COX7A2L: variants seen among roughly 807,000 people sequenced by gnomAD.
The protein encoded by COX7A2L is cytochrome c oxidase subunit 7A2 like, also known as cytochrome c oxidase subunit 7A2-like, mitochondrial.
A neutral mutation model predicts 14.2 loss-of-function variants in COX7A2L; 18 were observed. The ratio of observed to expected loss-of-function variants is 1.27; its 90% CI spans 0.88 to 1.88. The LOEUF (loss-of-function observed/expected upper bound fraction) is 1.88. COX7A2L is among the 40% of genes most tolerant of loss of function. The pLI is 0.00. For missense variants in COX7A2L, 179 were observed against 138.8 expected (o/e 1.29, Z -1.46); for synonymous variants, 65 against 57.4 (o/e 1.13, Z -0.60).
At chr2:42,366,407 G>C (rs1178072366) in intron 1 of COX7A2L, among the ~76,000 whole-genome samples, 2 of 152,216 alleles carry the variant, frequency 1.3e-5, no homozygotes, top group Non-Finnish European at 2.9e-5. Context: ...CTGGGTGACA[G>C]AATGAGACCC....
At chr2:42,340,624 C>T (rs1670383978) in intron 2 of COX7A2L, among the ~76,000 whole-genome samples, 1 of 152,102 alleles carries the variant, frequency 6.6e-6, no homozygotes, top group Non-Finnish European at 1.5e-5. Flanking sequence ...CCCAGGCGCA[C>T]CCGAGATGCC....
intron 1 of COX7A2L, chr2:42,359,770 G>A (rs1164955646): frequency 6.7e-6 from 1 of 150,048 alleles, no homozygotes; most frequent in South Asian, 2.1e-4. Context: ...TACCAAGCAT[G>A]ACATATCACA....
At chr2:42,340,057 C>T (rs1481430798) in intron 2 of COX7A2L, among the ~76,000 whole-genome samples, 1 of 152,164 alleles carries the variant, frequency 6.6e-6, no homozygotes, top group Non-Finnish European at 1.5e-5. Flanking sequence ...GTTTTAACTC[C>T]AGTCCAGATC....
At chr2:42,340,098 G>C (rs557878314) in intron 2 of COX7A2L, among the ~76,000 whole-genome samples, 1 of 152,188 alleles carries the variant, frequency 6.6e-6, no homozygotes, top group Admixed American at 6.5e-5. Flanking sequence ...GAATGCTTAT[G>C]GGATTCCTCA....
At chr2:42,335,575 G>A (rs1363723966) in intron 2 of COX7A2L, among the ~76,000 whole-genome samples, 1 of 152,176 alleles carries the variant, frequency 6.6e-6, no homozygotes, top group African/African-American at 2.4e-5. Context: ...TGTTTAACAT[G>A]TATTAACTCA....
chr2:42,340,862 C>T (rs1670390031), intron 2 of COX7A2L, among the ~76,000 whole-genome samples: 1 of 152,180 alleles, frequency 6.6e-6, no homozygotes, highest in Non-Finnish European at 1.5e-5. Context: ...CTCCACTGCG[C>T]AGCACACTGC....
At chr2:42,343,078 C>T (rs1458963473) in intron 2 of COX7A2L, among the ~76,000 whole-genome samples, 1 of 152,194 alleles carries the variant, frequency 6.6e-6, no homozygotes, top group East Asian at 1.9e-4. Flanking sequence ...GTCATGAGAG[C>T]AAGAGTCAGC....
chr2:42,340,992 G>T (rs1670394155), intron 2 of COX7A2L, among the ~76,000 whole-genome samples: 1 of 152,044 alleles, frequency 6.6e-6, no homozygotes, highest in Non-Finnish European at 1.5e-5. Context: ...GGCATCCTGG[G>T]TTTGAAGGGC....
At chr2:42,355,564 C>T (rs985391776) in intron 1 of COX7A2L, among the ~76,000 whole-genome samples, 4 of 152,000 alleles carry the variant, frequency 2.6e-5, no homozygotes, top group South Asian at 2.1e-4. Flanking sequence ...AAATTAATTC[C>T]GTATTTCCCT....
At chr2:42,363,221 C>G (rs563792873), upstream of COX7A2L, among the ~76,000 whole-genome samples, 2 of 152,090 alleles carry the variant, frequency 1.3e-5, no homozygotes, top group Non-Finnish European at 2.9e-5. Flanking sequence ...GATTTTTCTA[C>G]GACAAAAAGT....
chr2:42,358,923 G>A (rs535532608), intron 1 of COX7A2L, among the ~76,000 whole-genome samples: 1 of 152,138 alleles, frequency 6.6e-6, no homozygotes, highest in African/African-American at 2.4e-5. Context: ...CTGAGCCGGG[G>A]AGTTCGAGAT....
chr2:42,360,716 G>GAGAA (rs1553402992), intron 1 of COX7A2L, among the ~76,000 whole-genome samples: 1 of 7,046 alleles, frequency 1.4e-4, no homozygotes, highest in African/African-American at 1.7e-3. Context: ...TCTGGCAGAT[G>GAGAA]ACAAACGACA....
chr2:42,363,186 T>G (rs941393368), upstream of COX7A2L, among the ~76,000 whole-genome samples: 1 of 152,120 alleles, frequency 6.6e-6, no homozygotes, highest in African/African-American at 2.4e-5. Flanking sequence ...CCACCCCATG[T>G]TTTGATACTG....
chr2:42,342,856 C>T lies in COX7A2L; in HGVS notation c.193-8987G>A, dbSNP rs1387583117. Among the ~76,000 whole-genome samples, 1 of 152,140 alleles carries T rather than the reference C, an allele frequency of 6.6e-6. No individual in the cohort carries two copies. The highest frequency in any genetic ancestry group is 2.4e-5 in the African/African-American group (1 of 41,422). Reference sequence around the variant, plus strand: ...AAGTCAGCTCCAGCAGTCTTGGGACCCTGGGCAAGCAGCATCTGGGCCCCC... The same window carrying T: ...AAGTCAGCTCCAGCAGTCTTGGGACTCTGGGCAAGCAGCATCTGGGCCCCC... On this transcript the variant is annotated intron_variant, in intron 2 of 2. Coordinates refer to the COX7A2L transcript ENST00000468711. The surrounding 1 kb of genome is among the most constrained non-coding windows in gnomAD (Gnocchi z 4.9).
chr2:42,362,065 T>G (rs1671069946), upstream of COX7A2L, among the ~76,000 whole-genome samples: 1 of 152,176 alleles, frequency 6.6e-6, no homozygotes, highest in Admixed American at 6.5e-5. Context: ...AGTTTTAAGG[T>G]CATTGATTAT....
downstream of COX7A2L, among the ~76,000 whole-genome samples, chr2:42,346,316 A>G (rs1451413476): frequency 6.6e-6 from 1 of 152,234 alleles, no homozygotes; most frequent in Admixed American, 6.5e-5. Context: ...ACTCGAAGGC[A>G]GTCCTTGTGA....
At chr2:42,355,039 G>C (rs1670772818) in intron 1 of COX7A2L, among the ~76,000 whole-genome samples, 1 of 152,142 alleles carries the variant, frequency 6.6e-6, no homozygotes, top group Admixed American at 6.5e-5. Flanking sequence ...TCAAACTCAG[G>C]CCTTTCTCAA....
rs1247560239 is a variant in COX7A2L, at chr2:42,342,143, T to A, written c.193-8274A>T. On this transcript the variant is annotated intron_variant, in intron 2 of 2. Coordinates refer to the COX7A2L transcript ENST00000468711. The surrounding 1 kb of genome is among the most constrained non-coding windows in gnomAD (Gnocchi z 4.9). ...GGTGCCAGGTCTTCCTATGAGAGGC[T>A]GAGCTGAGCAACCACGCTGCCTCCA... 6.6e-6 allele frequency among the ~76,000 whole-genome samples: 1 copy of A among 152,100 alleles called. No homozygotes were observed. Among genetic ancestry groups the A allele is most frequent in the Admixed American group, 6.5e-5 (1 of 15,268 alleles).
intron 2 of COX7A2L, among the ~76,000 whole-genome samples, chr2:42,336,117 C>G (rs946514143): frequency 6.6e-6 from 1 of 152,226 alleles, no homozygotes; most frequent in African/African-American, 2.4e-5. Flanking sequence ...GTGGCAGCTT[C>G]TCTCTGTCAT....
Sources: gnomAD v4.1 joint callset for allele counts (sites outside exome capture counted in the v4.1 genomes callset) on GRCh38, gnomAD v4.1.1 for gene constraint, Gnocchi (gnomAD v3.1) non-coding constraint, MANE v1.5 for transcripts, NCBI Gene and HGNC (gene_info 2026-07-23, HGNC 2026-07-21) for gene names.